AGBL4: variants seen among roughly 807,000 people sequenced by gnomAD.
AGBL4 encodes the protein AGBL carboxypeptidase 4.
A neutral mutation model predicts 66.4 loss-of-function variants in AGBL4; 58 were observed. The observed-to-expected ratio is 0.87, with a 90% CI of 0.71 to 1.09. The LOEUF (loss-of-function observed/expected upper bound fraction) is 1.09. Ranked by LOEUF, AGBL4 falls within the 50% of genes least tolerant of loss-of-function variation. The probability of loss-of-function intolerance (pLI) is 0.00; values close to 1 mark genes in which losing one functional copy is unlikely to be tolerated. For missense variants in AGBL4, 579 were observed against 631.0 expected (o/e 0.92, Z 0.88); for synonymous variants, 234 against 222.9 (o/e 1.05, Z -0.44).
chr1:48,842,458 G>T (rs952122549), intron 6 of AGBL4, among the ~76,000 whole-genome samples: 1 of 152,096 alleles, frequency 6.6e-6, no homozygotes, highest in Non-Finnish European at 1.5e-5. Flanking sequence ...TCCTGTGGAT[G>T]CTTAAGTCTT....
At chr1:49,802,566 T>C (rs7526524) in intron 2 of AGBL4, among the ~76,000 whole-genome samples, 9,947 of 152,222 alleles carry the variant, frequency 0.065, 1,010 homozygotes, top group African/African-American at 0.22. Flanking sequence ...ATACTGTACT[T>C]CTGCATACAA....
chr1:49,221,761 T>C (rs572719492), intron 4 of AGBL4, among the ~76,000 whole-genome samples: 1 of 152,312 alleles, frequency 6.6e-6, no homozygotes, highest in South Asian at 2.1e-4. Flanking sequence ...GAAAAGTTGA[T>C]AGATCAATAT....
At chr1:49,250,008 T>C (rs2148335272) in intron 3 of AGBL4, among the ~76,000 whole-genome samples, 1 of 152,218 alleles carries the variant, frequency 6.6e-6, no homozygotes, top group Admixed American at 6.5e-5. Flanking sequence ...CACTCAGATG[T>C]GGGAGCTAAA....
At chr1:48,573,571 G>A (rs896056620) in intron 11 of AGBL4, among the ~76,000 whole-genome samples, 3 of 152,090 alleles carry the variant, frequency 2.0e-5, no homozygotes, top group Non-Finnish European at 2.9e-5. Context: ...AATTTGTCCT[G>A]GTAAAATTTC....
At chr1:49,797,913 G>T (rs530952964) in intron 2 of AGBL4, among the ~76,000 whole-genome samples, 2 of 152,144 alleles carry the variant, frequency 1.3e-5, no homozygotes, top group Non-Finnish European at 2.9e-5. Flanking sequence ...ACAGGCATGT[G>T]CCACCACACC....
At chr1:49,677,499 C>T (rs547037339) in intron 3 of AGBL4, among the ~76,000 whole-genome samples, 3 of 152,144 alleles carry the variant, frequency 2.0e-5, no homozygotes, top group Non-Finnish European at 2.9e-5. Flanking sequence ...ATTCTCTTTA[C>T]AAATATTTTG....
intron 4 of AGBL4, among the ~76,000 whole-genome samples, chr1:49,077,036 C>A (rs933910804): frequency 2.0e-5 from 3 of 152,054 alleles, no homozygotes; most frequent in African/African-American, 7.2e-5. Context: ...AAATTCCCTA[C>A]AATTTTCCTA....
intron 4 of AGBL4, among the ~76,000 whole-genome samples, chr1:49,150,412 C>A (rs753027943): frequency 5.3e-5 from 8 of 151,882 alleles, no homozygotes; most frequent in Non-Finnish European, 1.2e-4. Context: ...TATATATATT[C>A]TAAAATTCTA....
At chr1:49,288,450 T>C (rs1433713430) in intron 3 of AGBL4, among the ~76,000 whole-genome samples, 1 of 152,050 alleles carries the variant, frequency 6.6e-6, no homozygotes, top group Non-Finnish European at 1.5e-5. Context: ...CTGGTGAATC[T>C]AAGCTTGGCA....
At chr1:48,820,554 G>C (rs1320504261) in intron 6 of AGBL4, among the ~76,000 whole-genome samples, 1 of 152,126 alleles carries the variant, frequency 6.6e-6, no homozygotes, top group Non-Finnish European at 1.5e-5. Context: ...CTAAATAAGA[G>C]AATATTATTC....
intron 1 of AGBL4, among the ~76,000 whole-genome samples, chr1:49,921,330 T>C (rs1020396647): frequency 5.9e-5 from 9 of 152,096 alleles, no homozygotes; most frequent in Non-Finnish European, 1.2e-4. Flanking sequence ...GTCTTCAATA[T>C]CCTAAAACTC....
rs536222810 is a variant in AGBL4, at chr1:48,809,732, C to A, written c.634+57459G>T. Reference sequence around the variant, plus strand: ...ACATCAGTTACACACTCTGCTTAAACTCTAAATTACTCTTAGGGGTCTGAG... The same window carrying A: ...ACATCAGTTACACACTCTGCTTAAAATCTAAATTACTCTTAGGGGTCTGAG... On this transcript the variant is annotated intron_variant, in intron 6 of 13. Transcript: ENST00000371839. 2.0e-5 allele frequency among the ~76,000 whole-genome samples: 3 copies of A among 152,318 alleles called. No individual in the cohort carries two copies. In the East Asian group the frequency reaches 5.8e-4, roughly 29 times the overall value.
chr1:48,634,724 C>A (rs1307659233), intron 8 of AGBL4, 120 bp from the exon 9 acceptor site: 1 of 657,262 alleles, frequency 1.5e-6, no homozygotes, highest in Non-Finnish European at 2.5e-6. Flanking sequence ...TATCATTTTC[C>A]AGAGACTGTT....
intron 4 of AGBL4, among the ~76,000 whole-genome samples, chr1:49,088,989 C>T (rs912549054): frequency 2.6e-5 from 4 of 151,826 alleles, no homozygotes; most frequent in African/African-American, 9.7e-5. Flanking sequence ...AAACAACCTG[C>T]TCTTGATTGA....
At chr1:49,527,843 A>T (rs761581669) in intron 3 of AGBL4, among the ~76,000 whole-genome samples, 22 of 152,124 alleles carry the variant, frequency 1.4e-4, no homozygotes, top group Non-Finnish European at 2.8e-4. Flanking sequence ...AACTCAGCAG[A>T]CAGGAAATAC....
At chr1:49,162,909 T>C (rs1239153548) in intron 4 of AGBL4, among the ~76,000 whole-genome samples, 1 of 152,222 alleles carries the variant, frequency 6.6e-6, no homozygotes, top group Admixed American at 6.5e-5. Context: ...TTTTGCTTGA[T>C]ACCTATTTTT....
intron 9 of AGBL4, among the ~76,000 whole-genome samples, chr1:48,610,438 A>G (rs1645220165): frequency 6.6e-6 from 1 of 152,234 alleles, no homozygotes; most frequent in Non-Finnish European, 1.5e-5. Context: ...GGGGGCATTG[A>G]GGAAGTAGGG....
chr1:49,492,580 G>A (rs564661786), intron 3 of AGBL4, among the ~76,000 whole-genome samples: 6 of 151,898 alleles, frequency 4.0e-5, no homozygotes, highest in Non-Finnish European at 4.4e-5. Flanking sequence ...CCACATATAG[G>A]TTTGGTCACT....
intron 6 of AGBL4, among the ~76,000 whole-genome samples, chr1:48,671,206 C>T (rs1274879648): frequency 6.6e-6 from 1 of 152,234 alleles, no homozygotes; most frequent in Non-Finnish European, 1.5e-5. Flanking sequence ...TTATGCCAGC[C>T]AGGGTTGCTG....
Sources: gnomAD v4.1 joint callset for allele counts (sites outside exome capture counted in the v4.1 genomes callset) on GRCh38, gnomAD v4.1.1 for gene constraint, MANE v1.5 for transcripts, NCBI Gene and HGNC (gene_info 2026-07-23, HGNC 2026-07-21) for gene names.